SLC20A2: variants seen among roughly 807,000 people sequenced by gnomAD.
SLC20A2 encodes solute carrier family 20 member 2.
In SLC20A2, 30 loss-of-function variants were observed where a neutral mutation model predicts 61.0. The ratio of observed to expected loss-of-function variants is 0.49; its 90% CI spans 0.37 to 0.67. SLC20A2 has a LOEUF of 0.67. Ranked by LOEUF, SLC20A2 falls within the 30% of genes least tolerant of loss-of-function variation. The probability of loss-of-function intolerance (pLI) is 0.00; values close to 1 mark genes in which losing one functional copy is unlikely to be tolerated. For synonymous variants in SLC20A2, 351 were observed against 353.3 expected, an observed-to-expected ratio of 0.99 and a Z score of 0.07; for missense variants, 626 against 866.4, an observed-to-expected ratio of 0.72 and a Z score of 3.48.
chr8:42,536,661 AAATC>A (rs1358593671), intron 1 of SLC20A2: 2 of 152,248 alleles, frequency 1.3e-5, no homozygotes, highest in South Asian at 2.1e-4. Context: ...GTGTGTCACC[AAATC>A]AATCACACAA....
chr8:42,530,884 T>A (rs868635476), intron 1 of SLC20A2, among the ~76,000 whole-genome samples: 1 of 151,944 alleles, frequency 6.6e-6, no homozygotes, highest in Non-Finnish European at 1.5e-5. Context: ...CCTTGCTAAT[T>A]TTCTTTGTAT....
At chr8:42,504,017 G>A (rs1810482482), upstream of SLC20A2, among the ~76,000 whole-genome samples, 5 of 152,178 alleles carry the variant, frequency 3.3e-5, no homozygotes, top group South Asian at 8.3e-4. Flanking sequence ...ATGGCTCACT[G>A]CAGCCTTCAC....
chr8:42,483,879 T>C (rs948712704), intron 1 of SLC20A2, among the ~76,000 whole-genome samples: 1 of 152,232 alleles, frequency 6.6e-6, no homozygotes, highest in African/African-American at 2.4e-5. Context: ...GAACCATGTA[T>C]GAAAATAGAT....
chr8:42,523,556 G>A (rs1157698385), intron 1 of SLC20A2, among the ~76,000 whole-genome samples: 2 of 152,134 alleles, frequency 1.3e-5, no homozygotes, highest in East Asian at 1.9e-4. Context: ...AACATCAAGA[G>A]TATTAATCAT....
intron 2 of SLC20A2, chr8:42,471,010 G>A: frequency 2.9e-6 from 1 of 339,490 alleles, no homozygotes. Context: ...AAATGTAAGT[G>A]ACAAAATAAA....
chr8:42,447,372 A>G (rs1005620726), intron 5 of SLC20A2, among the ~76,000 whole-genome samples: 1 of 151,190 alleles, frequency 6.6e-6, no homozygotes, highest in Non-Finnish European at 1.5e-5. Flanking sequence ...TTAACATACT[A>G]TAAAAAAAAT....
chr8:42,430,150 T>G lies in SLC20A2; in HGVS notation c.1623A>C (p.Gly541=), dbSNP rs1563444254. 1 of 1,614,046 alleles carries G rather than the reference T, an allele frequency of 6.2e-7. No homozygotes were observed. Among genetic ancestry groups the G allele is most frequent in the East Asian group, 2.2e-5 (1 of 44,864 alleles). Residue 541 remains glycine, a synonymous_variant, in exon 9 of 11, where the codon GGA becomes GGC. Transcript: ENST00000520262. ...ATPVWLLFYG[G]VGICTGLWVW... is the part of the protein sequence containing the mutation. ...CCCAGAGGCCTGTGCAGATTCCAAC[T>G]CCTCCATAAAACAGCAGCCAGACGG...
chr8:42,525,124 A>T (rs1563547736), intron 1 of SLC20A2, among the ~76,000 whole-genome samples: 1 of 152,176 alleles, frequency 6.6e-6, no homozygotes, highest in Non-Finnish European at 1.5e-5. Flanking sequence ...ATCTCAAAGC[A>T]GCTCTTTAGG....
intron 2 of SLC20A2, among the ~76,000 whole-genome samples, chr8:42,466,365 C>CGTGAGGCAT (rs1266672444): frequency 6.6e-6 from 1 of 152,176 alleles, no homozygotes; most frequent in Non-Finnish European, 1.5e-5. Flanking sequence ...GGATTACATG[C>CGTGAGGCAT]GTGAGGCATT....
At chr8:42,469,138 CTG>C (rs949474835) in intron 2 of SLC20A2, among the ~76,000 whole-genome samples, 1 of 151,966 alleles carries the variant, frequency 6.6e-6, no homozygotes, top group Non-Finnish European at 1.5e-5. Flanking sequence ...GAAAAAAGGA[CTG>C]TTGGATTTAG....
chr8:42,483,137 G>C (rs1267583888), intron 1 of SLC20A2, among the ~76,000 whole-genome samples: 1 of 152,178 alleles, frequency 6.6e-6, no homozygotes, highest in Non-Finnish European at 1.5e-5. Context: ...CTTGAGGTCA[G>C]GAGTTCGAGA....
chr8:42,534,367 G>A (rs1185345099), intron 1 of SLC20A2, among the ~76,000 whole-genome samples: 2 of 152,128 alleles, frequency 1.3e-5, no homozygotes, highest in Non-Finnish European at 2.9e-5. Flanking sequence ...TTAACACAAT[G>A]GTTAAGAGAC....
chr8:42,472,387 C>T lies in SLC20A2; in HGVS notation c.4G>A (p.Ala2Thr), dbSNP rs1462261059. 1.9e-6 allele frequency: 3 copies of T among 1,608,104 alleles called. No homozygotes were observed. Among genetic ancestry groups the T allele is most frequent in the East Asian group, 2.2e-5 (1 of 44,752 alleles). Residue 2 changes from alanine (A) to threonine (T), a missense_variant, in exon 2 of 11, where the codon GCC (alanine) becomes ACC (threonine). Transcript: ENST00000520262. This position sits in a 1 kb window ranked among gnomAD's most constrained non-coding sequence, Gnocchi z 4.1. M[A>T]MDEYLWMVIL... ...ACCATCCACAAATACTCATCCATGGCCATTTTGGAAAGTGGGTGCCGGGTA... is the reference window on the plus strand; with the variant it reads ...ACCATCCACAAATACTCATCCATGGTCATTTTGGAAAGTGGGTGCCGGGTA...
chr8:42,498,618 A>C (rs1810107106), intron 1 of SLC20A2, among the ~76,000 whole-genome samples: 1 of 152,066 alleles, frequency 6.6e-6, no homozygotes, highest in East Asian at 1.9e-4. Flanking sequence ...CCGAGAAATC[A>C]GCCTTCCTCC....
chr8:42,506,640 T>C (rs1480399160), intron 1 of SLC20A2, among the ~76,000 whole-genome samples: 5 of 152,176 alleles, frequency 3.3e-5, no homozygotes, highest in Non-Finnish European at 2.9e-5. Context: ...AAAACCAGGG[T>C]TTGTAAACTC....
chr8:42,510,064 T>C (rs1331101217), intron 1 of SLC20A2, among the ~76,000 whole-genome samples: 3 of 152,204 alleles, frequency 2.0e-5, no homozygotes, highest in Non-Finnish European at 4.4e-5. Context: ...CCCAGACTAA[T>C]TTGGCTTGAA....
At chr8:42,512,352 ACT>A (rs1320745520) in intron 1 of SLC20A2, among the ~76,000 whole-genome samples, 1 of 145,778 alleles carries the variant, frequency 6.9e-6, no homozygotes, top group Non-Finnish European at 1.5e-5. Context: ...AACTTGAAAA[ACT>A]CTTTTTTTTT....
At position 42,465,894 on chromosome 8, in the gene SLC20A2, C is replaced by G; in HGVS notation, c.313G>C (p.Ala105Pro). 1 of 1,612,980 alleles carries G rather than the reference C, an allele frequency of 6.2e-7. No individual in the cohort carries two copies. Among genetic ancestry groups the G allele is most frequent in the Non-Finnish European group, 8.5e-7 (1 of 1,179,692 alleles). ...GAGATTGGAAGCCTCAGGAAGGAAG[C>G]AATCAGCTGCCACACAGCGGAACCT... The part of the protein sequence containing the change: ...MVGSAVWQLI[A>P]SFLRLPISGT... The change falls in exon 3 of 11, where the codon GCT becomes CCT. Residue 105 changes from alanine to proline, a missense_variant. Coordinates refer to ENST00000520262, the MANE Select transcript of SLC20A2 (RefSeq NM_001257180.2).
intron 1 of SLC20A2, chr8:42,484,897 C>A: frequency 2.4e-6 from 1 of 410,878 alleles, no homozygotes; most frequent in Admixed American, 2.6e-5. Flanking sequence ...GGCCATGCAG[C>A]TGGCCCTGAG....
Sources: gnomAD v4.1 joint callset for allele counts (sites outside exome capture counted in the v4.1 genomes callset) on GRCh38, gnomAD v4.1.1 for gene constraint, Gnocchi (gnomAD v3.1) non-coding constraint, MANE v1.5 for transcripts, NCBI Gene and HGNC (gene_info 2026-07-23, HGNC 2026-07-21) for gene names.